Variants in CSF2RB observed in about 807,000 individuals in gnomAD.
CSF2RB encodes the protein colony stimulating factor 2 receptor subunit beta.
A neutral mutation model predicts 67.2 loss-of-function variants in CSF2RB; 22 were observed. That is an observed-to-expected ratio of 0.33 (90% CI 0.23 to 0.47). The LOEUF is 0.47. CSF2RB is among the 20% of genes least tolerant of loss of function. The pLI is 1.00. For synonymous variants in CSF2RB, 507 were observed against 482.9 expected, an observed-to-expected ratio of 1.05 and a Z score of -0.65; for missense variants, 1,113 against 1,174.5, an observed-to-expected ratio of 0.95 and a Z score of 0.76.
At chr22:36,930,193 ACTCT>A (rs140483099) in intron 6 of CSF2RB, among the ~76,000 whole-genome samples, 178 bp from the exon 7 acceptor site, 3 of 149,528 alleles carry the variant, frequency 2.0e-5, no homozygotes, top group African/African-American at 4.9e-5. Flanking sequence ...GGTGCACAGA[ACTCT>A]CTCTCTCTCT....
intron 6 of CSF2RB, 127 bp from the exon 7 acceptor site, chr22:36,930,248 A>T (rs1459348143): frequency 1.5e-6 from 2 of 1,360,146 alleles, no homozygotes; most frequent in Admixed American, 3.4e-5. Context: ...TTCAGGCTGA[A>T]GTTTCAGCCC....
intron 6 of CSF2RB, 130 bp downstream of exon 6, chr22:36,929,937 C>T (rs1221306356): frequency 1.8e-5 from 23 of 1,248,178 alleles, no homozygotes; most frequent in Middle Eastern, 2.8e-4. Context: ...TTTCCAGTAG[C>T]GTCCCTGGGC....
At position 36,939,504 on chromosome 22, in the gene CSF2RB, G is replaced by A. The variant is rs1941344254; in HGVS notation, c.*1002G>A. On this transcript the variant is annotated 3_prime_UTR_variant, in exon 14 of 14. Coordinates refer to ENST00000403662, the MANE Select transcript of CSF2RB (RefSeq NM_000395.3). ...TGATCTATGCCTGGGCCTGCACCAG[G>A]GATTATGGTTCTTTTAAATCTTTGC... The A allele has an allele frequency of 4.8e-6, 2 of 413,776 alleles. No individual in the cohort carries two copies. Among genetic ancestry groups the A allele is most frequent in the African/African-American group, 2.0e-5 (1 of 50,994 alleles). The allele number at this position is 413,776 out of a possible 1,614,324, so 25.6% of individuals were successfully genotyped here.
Position 36,939,143 on chromosome 22 carries a change from T to C in CSF2RB, c.*641T>C. The C allele has an allele frequency of 1.4e-6, 1 of 701,908 alleles. No homozygotes were observed. The highest frequency in any genetic ancestry group is 1.5e-5 in the South Asian group (1 of 67,562). The allele number at this position is 701,908 out of a possible 1,614,324, so 43.5% of individuals were successfully genotyped here. ...ATGGTATTGGGGGTCGGGGGGGCGG[T>C]GCAAGGGACGCACATGAGAGACTGT... On this transcript the variant is annotated 3_prime_UTR_variant, in exon 14 of 14. Transcript: ENST00000403662.
At chr22:36,919,249 C>A (rs370035786) in intron 1 of CSF2RB, among the ~76,000 whole-genome samples, 2 of 152,182 alleles carry the variant, frequency 1.3e-5, no homozygotes, top group Non-Finnish European at 2.9e-5. Flanking sequence ...ATTCTCTCCA[C>A]CCCCTGCTTC....
At position 36,929,806 on chromosome 22, in the gene CSF2RB, A is replaced by G. The variant is rs1941110292; in HGVS notation, c.717A>G (p.Pro239=). The G allele has an allele frequency of 6.2e-7, 1 of 1,613,366 alleles. No homozygotes were observed. Among genetic ancestry groups the G allele is most frequent in the South Asian group, 1.1e-5 (1 of 90,982 alleles). ...WSPEVCWDSQ[P]GDEAQPQNLE... ...CAGAGGTTTGCTGGGACTCCCAGCC[A>G]GGTAATGTTGCCAGAGCCCAGGAAA... Residue 239 remains proline, a splice_region_variant and synonymous_variant, in exon 6 of 14, where the codon CCA becomes CCG. Coordinates refer to ENST00000403662, the MANE Select transcript of CSF2RB (RefSeq NM_000395.3).
Position 36,937,433 on chromosome 22 carries a change from C to T in CSF2RB, c.1625C>T (p.Pro542Leu). Residue 542 changes from proline (P) to leucine (L), a missense_variant, in exon 14 of 14, where the codon CCC becomes CTC. This residue lies in a region of CSF2RB where 554 missense variants were observed against 517.9 expected (regional missense o/e 1.07). Transcript: ENST00000403662. This position sits in a 1 kb window ranked among gnomAD's most constrained non-coding sequence, Gnocchi z 4.6. The stretch of plus-strand genomic sequence containing the variant: ...GTGTCACCTCTCACCATAGAGGACC[C>T]CAAGCATGTCTGTGATCCACCATCT... ...SEVSPLTIED[P>L]KHVCDPPSGP... The T allele has an allele frequency of 6.2e-7, 1 of 1,614,098 alleles. No homozygotes were observed. Among genetic ancestry groups the T allele is most frequent in the Non-Finnish European group, 8.5e-7 (1 of 1,179,996 alleles).
intron 1 of CSF2RB, among the ~76,000 whole-genome samples, chr22:36,921,265 T>TGC (rs1287715939): frequency 8.3e-6 from 1 of 120,578 alleles, no homozygotes; most frequent in Non-Finnish European, 2.0e-5. Context: ...TATGTGTGTG[T>TGC]GCATGTTTGT....
In CSF2RB at chr22:36,937,785, C is replaced by T. The variant is rs775974230; in HGVS notation, c.1977C>T (p.Ser659=). 1 of 1,585,898 alleles carries T rather than the reference C, an allele frequency of 6.3e-7. No homozygotes were observed. The highest frequency in any genetic ancestry group is 8.6e-7 in the Non-Finnish European group (1 of 1,166,194). Residue 659 remains serine, a synonymous_variant, in exon 14 of 14, where the codon AGC becomes AGT. Transcript: ENST00000403662. The surrounding 1 kb of genome is among the most constrained non-coding windows in gnomAD (Gnocchi z 4.6). The stretch of plus-strand genomic sequence containing the variant: ...CCGTGGAAGTGGAGAGAAGGCCGAG[C>T]CAGGGGGCTGCAGGGAGTCCCTCCC... The part of the protein sequence containing the change: ...GQAVEVERRP[S]QGAAGSPSLE...
intron 12 of CSF2RB, 26 bp downstream of exon 12, chr22:36,935,713 GT>G (rs1179747722): frequency 5.0e-6 from 8 of 1,606,758 alleles, no homozygotes; most frequent in South Asian, 1.1e-5. Context: ...GAGGGGCGGA[GT>G]GGGGGCTTCT....
At position 36,937,315 on chromosome 22, in the gene CSF2RB, T is replaced by C; in HGVS notation, c.1569-62T>C. 1.9e-6 allele frequency: 3 copies of C among 1,593,402 alleles called. No homozygotes were observed. Among genetic ancestry groups the C allele is most frequent in the Non-Finnish European group, 2.6e-6 (3 of 1,170,476 alleles). ...CATCTCCACCCCACCAAGACCCTTGTGCCTGACCCGGATCATCTGCCCAGG... is the reference window on the plus strand; with the variant it reads ...CATCTCCACCCCACCAAGACCCTTGCGCCTGACCCGGATCATCTGCCCAGG... On this transcript the variant is annotated intron_variant, in intron 13 of 13. Transcript: ENST00000403662. The surrounding 1 kb of genome is among the most constrained non-coding windows in gnomAD (Gnocchi z 4.6).
rs1569131555 is a variant in CSF2RB at position 36,922,287 on chromosome 22, AG to A, written c.76+5del. 6.4e-7 allele frequency: 1 copy of A among 1,570,908 alleles called. No individual in the cohort carries two copies. The highest frequency in any genetic ancestry group is 1.2e-5 in the South Asian group (1 of 85,560). On this transcript the variant is annotated splice_donor_5th_base_variant and intron_variant, in intron 2 of 13. Coordinates refer to ENST00000403662, the MANE Select transcript of CSF2RB (RefSeq NM_000395.3). ...CGCAGCCTGGCAGGGGCAGAAGGTG[AG>A]TCCCGTGGCTCCCACCCACTTCCCT...
chr22:36,935,694 A>T lies in CSF2RB; in HGVS notation c.1464+7A>T. The stretch of plus-strand genomic sequence containing the variant: ...CAAGAGCCACCTGTTCCAGGTAGGA[A>T]CTGGCTGCGAGGGGCGGAGTGGGGG... On this transcript the variant is annotated splice_region_variant and intron_variant, in intron 12 of 13. Transcript: ENST00000403662. The T allele has an allele frequency of 1.2e-6, 2 of 1,613,514 alleles. No individual in the cohort carries two copies. Among genetic ancestry groups the T allele is most frequent in the Non-Finnish European group, 1.7e-6 (2 of 1,179,834 alleles).
In CSF2RB at chr22:36,929,532, C is replaced by T. The variant is rs539179276; in HGVS notation, c.522C>T (p.Val174=). The change falls in exon 5 of 14, where the codon GTC becomes GTT. Residue 174 remains valine (V), a synonymous_variant. Transcript: ENST00000403662. ...CAGGGGATCTGGAGTTTGAGGTGGT[C>T]TACAAGCGGCTTCAGGACTCTTGGG... ...LSPGDLEFEV[V]YKRLQDSWED... The T allele has an allele frequency of 3.7e-6, 6 of 1,614,174 alleles. No individual in the cohort carries two copies. The highest frequency in any genetic ancestry group is 5.1e-6 in the Non-Finnish European group (6 of 1,180,026).
chr22:36,928,972 G>A (rs868404470), intron 4 of CSF2RB, among the ~76,000 whole-genome samples: 2 of 152,322 alleles, frequency 1.3e-5, no homozygotes, highest in South Asian at 2.1e-4. Flanking sequence ...AGAGCCGGAG[G>A]CATTTGCCCG....
intron 1 of CSF2RB, among the ~76,000 whole-genome samples, chr22:36,920,352 A>G (rs1036608970): frequency 2.6e-5 from 4 of 152,206 alleles, no homozygotes; most frequent in South Asian, 2.1e-4. Context: ...CTAATCCCCA[A>G]TGTGAGAATA....
At chr22:36,927,360 C>T (rs935787317) in intron 4 of CSF2RB, among the ~76,000 whole-genome samples, 4 of 151,984 alleles carry the variant, frequency 2.6e-5, no homozygotes, top group African/African-American at 9.7e-5. Flanking sequence ...CTGACAGTGG[C>T]GGGTGGGTGC....
intron 6 of CSF2RB, 122 bp downstream of exon 6, chr22:36,929,929 TC>T: frequency 7.6e-7 from 1 of 1,312,224 alleles, no homozygotes; most frequent in Non-Finnish European, 1.0e-6. Context: ...CTGCCATCTT[TC>T]CAGTAGCGTC....
chr22:36,935,775 G>T, intron 12 of CSF2RB, 88 bp downstream of exon 12: 2 of 1,438,514 alleles, frequency 1.4e-6, no homozygotes, highest in Non-Finnish European at 1.9e-6. Context: ...CCCTTCCTGT[G>T]GGCTTTGGGT....
Sources: allele counts gnomAD v4.1 joint callset (sites outside exome capture counted in the v4.1 genomes callset), GRCh38; gene constraint gnomAD v4.1.1; regional missense constraint gnomAD v4.1.1; non-coding constraint Gnocchi (gnomAD v3.1); transcripts MANE v1.5; gene names NCBI Gene and HGNC (gene_info 2026-07-23, HGNC 2026-07-21).